Variants in MOSMO observed in about 807,000 individuals in gnomAD.
The protein encoded by MOSMO is modulator of smoothened.
Under a neutral mutation model 18.4 loss-of-function variants are expected in MOSMO, and 5 were observed. The observed-to-expected ratio is 0.27, with a 90% CI of 0.14 to 0.57. The LOEUF is 0.57. Among genes scored for constraint, MOSMO ranks in the 20% least tolerant of loss-of-function variants. The pLI, the probability that MOSMO is intolerant of heterozygous loss-of-function variation, is 0.92. For missense variants in MOSMO, 138 were observed against 211.8 expected (o/e 0.65, Z 2.16); for synonymous variants, 82 against 82.3 (o/e 1.00, Z 0.02).
At chr16:22,034,744 GTTTTTTTTT>G (rs890874059) in intron 1 of MOSMO, among the ~76,000 whole-genome samples, 1 of 55,454 alleles carries the variant, frequency 1.8e-5, no homozygotes, top group Non-Finnish European at 3.2e-5. Flanking sequence ...GTTTTTTTGG[GTTTTTTTTT>G]TTTTTTTTTT....
chr16:22,073,656 C>T (rs1221160485), intron 1 of MOSMO, among the ~76,000 whole-genome samples: 1 of 151,498 alleles, frequency 6.6e-6, no homozygotes, highest in Non-Finnish European at 1.5e-5. Context: ...TGGTTTCAAG[C>T]AATTACCGTG....
downstream of MOSMO, among the ~76,000 whole-genome samples, chr16:22,089,256 T>TG (rs1315338917): frequency 1.3e-5 from 2 of 152,054 alleles, no homozygotes; most frequent in East Asian, 1.9e-4. Flanking sequence ...TTTGTAGAGA[T>TG]GGGGTCTCAC....
chr16:22,080,726 T>C lies in MOSMO; in HGVS notation c.350T>C (p.Phe117Ser). ...CTTTTCTGTATGGCTGCCCTAATATTTCCAATAGGATTTTACATCAATGAA... is the reference window on the plus strand; with the variant it reads ...CTTTTCTGTATGGCTGCCCTAATATCTCCAATAGGATTTTACATCAATGAA... ...MILFCMAALI[F>S]PIGFYINEVG... is the part of the protein sequence containing the mutation. The change falls in exon 3 of 3, where the codon TTT (phenylalanine) becomes TCT (serine). Residue 117 changes from phenylalanine (F) to serine (S), a missense_variant. Physicochemically the swap from Phe to Ser is radical, Grantham distance 155. Coordinates refer to ENST00000542527, the MANE Select transcript of MOSMO (RefSeq NM_001164579.2). The C allele has an allele frequency of 6.7e-7, 1 of 1,499,574 alleles. No individual in the cohort carries two copies. The highest frequency in any genetic ancestry group is 8.8e-7 in the Non-Finnish European group (1 of 1,132,080). The allele number at this position is 1,499,574 out of a possible 1,614,324, so 92.9% of individuals were successfully genotyped here. A position where few individuals can be genotyped will look rare whatever the true frequency, so the allele number is the denominator to read the frequency against.
chr16:22,048,332 T>A (rs1900356046), intron 1 of MOSMO, among the ~76,000 whole-genome samples: 1 of 152,224 alleles, frequency 6.6e-6, no homozygotes, highest in Admixed American at 6.5e-5. Context: ...CTGGGATATG[T>A]TAACACTGTA....
At chr16:22,035,959 A>T (rs956764177) in intron 1 of MOSMO, among the ~76,000 whole-genome samples, 7 of 152,112 alleles carry the variant, frequency 4.6e-5, no homozygotes, top group Non-Finnish European at 1.0e-4. Flanking sequence ...AATACAATTA[A>T]TTTTTATATA....
At chr16:22,041,842 T>C (rs1297248337) in intron 1 of MOSMO, among the ~76,000 whole-genome samples, 3 of 151,936 alleles carry the variant, frequency 2.0e-5, no homozygotes, top group Non-Finnish European at 4.4e-5. Flanking sequence ...GCCTGCCTAC[T>C]TTTTTTCTAT....
chr16:22,080,893 T>C lies in MOSMO; in HGVS notation c.*13T>C, dbSNP rs749888096. 7.9e-7 allele frequency: 1 copy of C among 1,262,236 alleles called. No homozygotes were observed. Among genetic ancestry groups the C allele is most frequent in the South Asian group, 2.0e-5 (1 of 49,522 alleles). The allele number at this position is 1,262,236 out of a possible 1,614,324, so 78.2% of individuals were successfully genotyped here. On this transcript the variant is annotated 3_prime_UTR_variant, in exon 3 of 3. Coordinates refer to ENST00000542527, the MANE Select transcript of MOSMO (RefSeq NM_001164579.2). ...TTTACCAGGCTGATGAATGTCTAAA[T>C]TGCTTGACTCTTATTATTTTTTATT...
At chr16:22,064,661 A>T (rs1430631646) in intron 1 of MOSMO, among the ~76,000 whole-genome samples, 1 of 152,256 alleles carries the variant, frequency 6.6e-6, no homozygotes, top group Non-Finnish European at 1.5e-5. Flanking sequence ...TGTAATGTAA[A>T]TGCAATTAGC....
intron 1 of MOSMO, among the ~76,000 whole-genome samples, chr16:22,010,983 G>T (rs532111449): frequency 3.8e-4 from 57 of 151,858 alleles, no homozygotes; most frequent in Middle Eastern, 6.8e-3. Context: ...AGAAAGCAAG[G>T]ATAGAATGAG....
chr16:22,062,012 T>G (rs1190732672), intron 1 of MOSMO, among the ~76,000 whole-genome samples: 1 of 152,234 alleles, frequency 6.6e-6, no homozygotes, highest in African/African-American at 2.4e-5. Context: ...CTCTCCACTC[T>G]TAAATCTATC....
intron 1 of MOSMO, among the ~76,000 whole-genome samples, chr16:22,067,401 A>G (rs1187523332): frequency 2.0e-5 from 3 of 152,242 alleles, no homozygotes; most frequent in African/African-American, 7.2e-5. Flanking sequence ...AGTAATATAC[A>G]TTCAGAAACA....
chr16:22,062,945 C>A (rs1900678241), intron 1 of MOSMO, among the ~76,000 whole-genome samples: 1 of 152,188 alleles, frequency 6.6e-6, no homozygotes, highest in African/African-American at 2.4e-5. Context: ...CTCTGCCTCC[C>A]AGGTTCAAGC....
intron 1 of MOSMO, among the ~76,000 whole-genome samples, chr16:22,052,103 A>G (rs916203953): frequency 1.3e-5 from 2 of 152,192 alleles, no homozygotes; most frequent in African/African-American, 4.8e-5. Context: ...ATATAGTTTC[A>G]TGTGTGAAAT....
chr16:22,011,062 C>T (rs552272451), intron 1 of MOSMO, among the ~76,000 whole-genome samples: 170 of 152,136 alleles, frequency 1.1e-3, no homozygotes, highest in African/African-American at 3.9e-3. Flanking sequence ...AATGGATGTC[C>T]AAGGTCTGAG....
At chr16:22,089,600 T>C (rs755514553), downstream of MOSMO, among the ~76,000 whole-genome samples, 2 of 152,184 alleles carry the variant, frequency 1.3e-5, no homozygotes, top group East Asian at 1.9e-4. Context: ...GTTCAAACAT[T>C]TGGAAGTCCC....
At chr16:22,073,545 G>GT (rs746442808) in intron 1 of MOSMO, among the ~76,000 whole-genome samples, 3,736 of 142,678 alleles carry the variant, frequency 0.026, 51 homozygotes, top group Non-Finnish European at 0.037. Context: ...ACTCCCTCAA[G>GT]TTTTTTTTTT....
At chr16:22,089,110 C>T (rs1901243404), downstream of MOSMO, among the ~76,000 whole-genome samples, 1 of 152,068 alleles carries the variant, frequency 6.6e-6, no homozygotes, top group Non-Finnish European at 1.5e-5. Flanking sequence ...TCATTGTTCA[C>T]TGGTTTTTGG....
At chr16:22,009,688 C>T (rs1277198655) in intron 1 of MOSMO, among the ~76,000 whole-genome samples, 2 of 151,308 alleles carry the variant, frequency 1.3e-5, no homozygotes, top group African/African-American at 4.9e-5. Flanking sequence ...CGGCCGGGCG[C>T]GGTGGCTCAC....
downstream of MOSMO, among the ~76,000 whole-genome samples, chr16:22,088,662 A>T (rs559483463): frequency 1.1e-3 from 170 of 152,316 alleles, no homozygotes; most frequent in African/African-American, 3.9e-3. Context: ...GTGCTTTCCC[A>T]TATGTCATCT....
Sources: gnomAD v4.1 joint callset for allele counts (sites outside exome capture counted in the v4.1 genomes callset) on GRCh38, gnomAD v4.1.1 for gene constraint, MANE v1.5 for transcripts, NCBI Gene and HGNC (gene_info 2026-07-23, HGNC 2026-07-21) for gene names.